FCHO2: variants seen among roughly 807,000 people sequenced by gnomAD.
The protein encoded by FCHO2 is F-BAR domain only protein 2.
A neutral mutation model predicts 114.1 loss-of-function variants in FCHO2; 43 were observed. That is an observed-to-expected ratio of 0.38 (90% CI 0.30 to 0.49). FCHO2 has a LOEUF of 0.49. FCHO2 is among the 20% of genes least tolerant of loss of function. The pLI is 0.97. For missense variants in FCHO2, 807 were observed against 950.4 expected (o/e 0.85, Z 1.98); for synonymous variants, 293 against 315.2 (o/e 0.93, Z 0.75).
chr5:73,087,215 T>C (rs1743343094), intron 24 of FCHO2, among the ~76,000 whole-genome samples: 1 of 152,224 alleles, frequency 6.6e-6, no homozygotes, highest in Non-Finnish European at 1.5e-5. Flanking sequence ...TCTTTACTTC[T>C]TCTACTACTC....
intron 24 of FCHO2, among the ~76,000 whole-genome samples, chr5:73,085,220 G>A (rs745991105): frequency 4.6e-5 from 7 of 152,124 alleles, no homozygotes; most frequent in Admixed American, 1.3e-4. Flanking sequence ...GTAGTGGCAC[G>A]TGCCTGTAGT....
At chr5:73,073,462 C>T (rs1742757543) in intron 19 of FCHO2, among the ~76,000 whole-genome samples, 1 of 152,066 alleles carries the variant, frequency 6.6e-6, no homozygotes, top group Non-Finnish European at 1.5e-5. Flanking sequence ...AAAACTAGTA[C>T]TTGTGCTTCA....
intron 11 of FCHO2, among the ~76,000 whole-genome samples, chr5:73,050,297 T>TC (rs1233687582): frequency 1.7e-4 from 22 of 131,262 alleles, no homozygotes; most frequent in East Asian, 2.1e-4. Flanking sequence ...CTTTCTGCTA[T>TC]TTATTTATTT....
At chr5:73,058,681 T>A (rs1561485078) in intron 17 of FCHO2, among the ~76,000 whole-genome samples, 157 bp downstream of exon 17, 1 of 152,170 alleles carries the variant, frequency 6.6e-6, no homozygotes, top group Non-Finnish European at 1.5e-5. Context: ...GGTTTTGTTC[T>A]CTTAGATACT....
chr5:73,007,032 C>T (rs901403421), intron 6 of FCHO2, among the ~76,000 whole-genome samples: 26 of 152,158 alleles, frequency 1.7e-4, no homozygotes, highest in African/African-American at 6.3e-4. Flanking sequence ...AAGGTGGCTG[C>T]CTTTTAGGAA....
At chr5:72,992,271 T>G (rs1753850334) in intron 5 of FCHO2, among the ~76,000 whole-genome samples, 1 of 152,100 alleles carries the variant, frequency 6.6e-6, no homozygotes, top group Admixed American at 6.6e-5. Flanking sequence ...AAAAATTGGA[T>G]TTGTATAATA....
At chr5:73,067,884 G>T (rs1256967796) in intron 18 of FCHO2, among the ~76,000 whole-genome samples, 3 of 151,898 alleles carry the variant, frequency 2.0e-5, no homozygotes, top group Non-Finnish European at 4.4e-5. Flanking sequence ...AAAAGAATCT[G>T]TTCACCAAAG....
At chr5:73,037,241 T>A (rs1561467692) in intron 10 of FCHO2, 26 bp downstream of exon 10, 4 of 1,522,114 alleles carry the variant, frequency 2.6e-6, no homozygotes, top group Middle Eastern at 3.5e-4. Context: ...ATCGTCAAAA[T>A]CCTTTTTGTT....
chr5:73,021,093 G>A, intron 8 of FCHO2: 1 of 807,730 alleles, frequency 1.2e-6, no homozygotes, highest in South Asian at 1.3e-5. Flanking sequence ...TGATGATTCG[G>A]TCCCCCAGTG....
chr5:72,959,474 T>C lies in FCHO2; in HGVS notation c.33+3345T>C, dbSNP rs181484265. 1.8e-3 allele frequency among the ~76,000 whole-genome samples: 273 copies of C among 151,980 alleles called. 2 individuals carry two copies. Among genetic ancestry groups the C allele is most frequent in the African/African-American group, 6.3e-3 (262 of 41,440 alleles). Reference sequence around the variant, plus strand: ...AGTAGGTTATGATTGGTCACTGTACTCCAGCCTGGGCAACAGAGTGAGACC... The same window carrying C: ...AGTAGGTTATGATTGGTCACTGTACCCCAGCCTGGGCAACAGAGTGAGACC... On this transcript the variant is annotated intron_variant, in intron 1 of 25. Coordinates refer to ENST00000430046, the MANE Select transcript of FCHO2 (RefSeq NM_138782.3).
Position 73,081,839 on chromosome 5 carries a change from T to C in FCHO2, c.2037T>C (p.Cys679=). The C allele has an allele frequency of 6.2e-7, 1 of 1,609,468 alleles. No homozygotes were observed. The highest frequency in any genetic ancestry group is 1.7e-5 in the Admixed American group (1 of 59,564). ...TGAATCTTGCAACATACTGGAAATG[T>C]AGTGCTAGCACCACAGATCTTAGAG... The part of the protein sequence containing the change: ...TPLNLATYWK[C]SASTTDLRVD... Residue 679 remains cysteine, a synonymous_variant, in exon 23 of 26, where the codon TGT becomes TGC. Coordinates refer to ENST00000430046, the MANE Select transcript of FCHO2 (RefSeq NM_138782.3).
intron 2 of FCHO2, among the ~76,000 whole-genome samples, chr5:72,988,135 T>C (rs1293994842): frequency 6.6e-6 from 1 of 152,140 alleles, no homozygotes; most frequent in Non-Finnish European, 1.5e-5. Flanking sequence ...CTATAAGTTT[T>C]GTAGTGTTAA....
At chr5:72,963,902 G>GTTTTTTT (rs70973214) in intron 1 of FCHO2, among the ~76,000 whole-genome samples, 7 of 95,720 alleles carry the variant, frequency 7.3e-5, no homozygotes, top group South Asian at 4.6e-4. Flanking sequence ...GGAACTTTCA[G>GTTTTTTT]TTTTTTTTTT....
At chr5:73,037,275 C>G in intron 10 of FCHO2, 60 bp downstream of exon 10, 1 of 1,291,002 alleles carries the variant, frequency 7.7e-7, no homozygotes, top group Non-Finnish European at 1.1e-6. Context: ...AAGAATAAGA[C>G]TTTTGAATTT....
intron 8 of FCHO2, among the ~76,000 whole-genome samples, chr5:73,026,310 A>G: frequency 6.6e-6 from 1 of 152,008 alleles, no homozygotes; most frequent in Non-Finnish European, 1.5e-5. Context: ...TCTCTACTAA[A>G]AATACAAAAC....
At chr5:73,017,041 T>A (rs1755342188) in intron 7 of FCHO2, among the ~76,000 whole-genome samples, 171 bp from the exon 8 acceptor site, 1 of 152,192 alleles carries the variant, frequency 6.6e-6, no homozygotes, top group African/African-American at 2.4e-5. Flanking sequence ...TCATGGTTGG[T>A]CCCTACAGAT....
chr5:72,996,641 G>A (rs956667265), intron 5 of FCHO2, among the ~76,000 whole-genome samples: 5 of 148,826 alleles, frequency 3.4e-5, no homozygotes, highest in Non-Finnish European at 5.9e-5. Context: ...GACCTGTCTC[G>A]GCCCGCAACT....
intron 17 of FCHO2, among the ~76,000 whole-genome samples, chr5:73,062,762 T>G (rs1757908795): frequency 6.6e-6 from 1 of 152,048 alleles, no homozygotes; most frequent in African/African-American, 2.4e-5. Context: ...TTTCTTTAGG[T>G]CTCTTCCTAC....
At chr5:72,996,136 G>A (rs890127875) in intron 5 of FCHO2, among the ~76,000 whole-genome samples, 8 of 151,328 alleles carry the variant, frequency 5.3e-5, no homozygotes, top group African/African-American at 1.5e-4. Context: ...CCAGCTACTC[G>A]GGAGGCTAAG....
Sources: gnomAD v4.1 joint callset for allele counts (sites outside exome capture counted in the v4.1 genomes callset) on GRCh38, gnomAD v4.1.1 for gene constraint, MANE v1.5 for transcripts, NCBI Gene and HGNC (gene_info 2026-07-23, HGNC 2026-07-21) for gene names.